The following VWF variants were observed in gnomAD, a reference collection of about 807,000 sequenced individuals.
The protein encoded by VWF is von Willebrand factor.
VWF carries 176 observed loss-of-function variants against 308.6 expected under a neutral mutation model. The ratio of observed to expected loss-of-function variants is 0.57; its 90% confidence interval spans 0.50 to 0.65. The LOEUF (loss-of-function observed/expected upper bound fraction) is 0.65. Ranked by LOEUF, VWF falls within the 30% of genes least tolerant of loss-of-function variation. The pLI is 0.00. For synonymous variants in VWF, 1,385 were observed against 1,443.4 expected (o/e 0.96, Z 0.92); for missense variants, 3,146 against 3,648.2 (o/e 0.86, Z 3.55).
At chr12:6,090,602 A>ACTCCTCCTCCTC (rs71064185) in intron 6 of VWF, among the ~76,000 whole-genome samples, 1 of 145,350 alleles carries the variant, frequency 6.9e-6, no homozygotes, top group Admixed American at 6.8e-5. Context: ...GCTAACAACA[A>ACTCCTCCTCCTC]CTCCTCCTCC....
chr12:5,983,543 G>GATAGATAGATAGATAGATAGATA (rs1161712163), intron 40 of VWF, among the ~76,000 whole-genome samples: 3,126 of 141,310 alleles, frequency 0.022, 55 homozygotes, highest in East Asian at 0.081. Flanking sequence ...ATAGATAGAT[G>GATAGATAGATAGATAGATAGATA]GATGATAGAT....
At chr12:6,009,544 G>C (rs1169110362) in intron 34 of VWF, among the ~76,000 whole-genome samples, 1 of 151,982 alleles carries the variant, frequency 6.6e-6, no homozygotes, top group African/African-American at 2.4e-5. Context: ...AAGTGGTGTC[G>C]CGACTACAGA....
intron 38 of VWF, among the ~76,000 whole-genome samples, chr12:5,987,107 A>T (rs1197358827): frequency 2.6e-5 from 4 of 151,932 alleles, no homozygotes; most frequent in African/African-American, 9.7e-5. Flanking sequence ...TTTGTATTTT[A>T]GTAGAGACAG....
At chr12:6,032,042 T>G (rs1435689396) in intron 20 of VWF, among the ~76,000 whole-genome samples, 1 of 152,174 alleles carries the variant, frequency 6.6e-6, no homozygotes, top group African/African-American at 2.4e-5. Flanking sequence ...CAAAGATGGT[T>G]TGACACAGCT....
At chr12:6,072,891 G>A (rs995407407) in intron 8 of VWF, among the ~76,000 whole-genome samples, 36 of 145,774 alleles carry the variant, frequency 2.5e-4, no homozygotes, top group Non-Finnish European at 4.6e-4. Flanking sequence ...TTTTGAGACC[G>A]AGTCTCGTTC....
Position 6,018,950 on chromosome 12 carries a change from G to A in VWF, c.4468C>T (p.Pro1490Ser), listed in dbSNP as rs755546877. The change falls in exon 28 of 52, where the codon CCC (proline) becomes TCC (serine). Residue 1490 changes from proline to serine, a missense_variant. Coordinates refer to ENST00000261405, the MANE Select transcript of VWF (RefSeq NM_000552.5). ...PGLLGVSTLG[P>S]KRNSMVLDVA... ...TCCAGAACCATGGAGTTCCTCTTGG[G>A]CCCCAGGGTCGAAACCCCCAAGAGC... The A allele has an allele frequency of 3.1e-6, 5 of 1,613,752 alleles. No homozygotes were observed. Among genetic ancestry groups the A allele is most frequent in the African/African-American group, 2.7e-5 (2 of 74,896 alleles).
intron 40 of VWF, 92 bp from the exon 41 acceptor site, chr12:5,983,346 G>A: frequency 7.9e-7 from 1 of 1,263,722 alleles, no homozygotes; most frequent in East Asian, 2.6e-5. Flanking sequence ...TATTCATGCA[G>A]ACTTCTACTG....
Position 5,949,887 on chromosome 12 carries a change from C to T in VWF, c.8156-4G>A, listed in dbSNP as rs1247247646. On this transcript the variant is annotated splice_region_variant and splice_polypyrimidine_tract_variant and intron_variant, in intron 50 of 51. Transcript: ENST00000261405. ...TCGTTGCACTCAGGCTCCTCACCTA[C>T]AGGACAGGTGAGAGATGAAACTTGA... is the stretch of plus-strand genomic sequence containing the variant. The T allele has an allele frequency of 6.2e-7, 1 of 1,612,218 alleles. No homozygotes were observed. Among genetic ancestry groups the T allele is most frequent in the Admixed American group, 1.7e-5 (1 of 60,010 alleles).
intron 38 of VWF, among the ~76,000 whole-genome samples, chr12:5,985,976 C>A (rs1757632705): frequency 6.6e-6 from 1 of 152,216 alleles, no homozygotes; most frequent in African/African-American, 2.4e-5. Context: ...CTAGTCATTT[C>A]TCAAGCCAAA....
At chr12:5,995,549 T>C (rs1007633882) in intron 35 of VWF, among the ~76,000 whole-genome samples, 2 of 152,156 alleles carry the variant, frequency 1.3e-5, no homozygotes, top group African/African-American at 4.8e-5. Flanking sequence ...TTTATATATA[T>C]ATATATCAGT....
intron 6 of VWF, among the ~76,000 whole-genome samples, chr12:6,088,183 A>G (rs976958554): frequency 1.3e-5 from 2 of 152,190 alleles, no homozygotes; most frequent in African/African-American, 4.8e-5. Flanking sequence ...GTTTCTTGAG[A>G]AAGGGGTGCC....
At chr12:6,061,118 T>G (rs1944650181) in intron 13 of VWF, among the ~76,000 whole-genome samples, 1 of 152,120 alleles carries the variant, frequency 6.6e-6, no homozygotes, top group Non-Finnish European at 1.5e-5. Context: ...GGAGAATCGC[T>G]TCAGCCTGGA....
At chr12:5,984,406 T>C (rs1320162689) in intron 40 of VWF, among the ~76,000 whole-genome samples, 3 of 152,264 alleles carry the variant, frequency 2.0e-5, no homozygotes, top group Admixed American at 2.0e-4. Flanking sequence ...ATTATATGAT[T>C]TTCTTTTAGT....
In VWF at chr12:6,111,562, A is replaced by G. The variant is rs77305232; in HGVS notation, c.221-594T>C. On this transcript the variant is annotated intron_variant, in intron 3 of 51. Coordinates refer to ENST00000261405, the MANE Select transcript of VWF (RefSeq NM_000552.5). ...TAATTTTTTTTTTCTTTTTGTAGAG[A>G]CAAGATCTCACCGTGTCGCCCAGGC... 9.9e-3 allele frequency among the ~76,000 whole-genome samples: 1,504 copies of G among 152,006 alleles called. 30 individuals carry two copies. The highest frequency in any genetic ancestry group is 0.034 in the African/African-American group (1,407 of 41,452).
intron 43 of VWF, among the ~76,000 whole-genome samples, chr12:5,973,643 G>A (rs563812883): frequency 6.6e-6 from 1 of 152,334 alleles, no homozygotes; most frequent in East Asian, 1.9e-4. Context: ...AAGCTACAGA[G>A]GTTCTGGCCA....
At chr12:5,952,552 A>G (rs1182669745) in intron 48 of VWF, 33 bp from the exon 49 acceptor site, 1 of 1,610,002 alleles carries the variant, frequency 6.2e-7, no homozygotes, top group Non-Finnish European at 8.5e-7. Flanking sequence ...AAAGTCAGAG[A>G]CAGTGTTTGG....
intron 38 of VWF, among the ~76,000 whole-genome samples, chr12:5,991,167 TCACACACACACACA>T (rs201361783): frequency 7.4e-6 from 1 of 134,884 alleles, no homozygotes; most frequent in African/African-American, 2.7e-5. Context: ...CAAGGGATTC[TCACACACACACACA>T]CACACACACA....
At chr12:6,107,126 G>A (rs1342697744) in intron 5 of VWF, among the ~76,000 whole-genome samples, 2 of 152,014 alleles carry the variant, frequency 1.3e-5, no homozygotes, top group African/African-American at 2.4e-5. Context: ...AACCTCTCAC[G>A]GACCATGTTA....
intron 43 of VWF, among the ~76,000 whole-genome samples, chr12:5,975,124 A>G (rs546529014): frequency 6.6e-6 from 1 of 152,318 alleles, no homozygotes; most frequent in South Asian, 2.1e-4. Context: ...AAAGGTACTG[A>G]GCACCTCCGC....
Sources: allele counts gnomAD v4.1 joint callset (sites outside exome capture counted in the v4.1 genomes callset), GRCh38; gene constraint gnomAD v4.1.1; transcripts MANE v1.5; gene names NCBI Gene and HGNC (gene_info 2026-07-23, HGNC 2026-07-21).